Variants in UTP6 observed in about 807,000 individuals in gnomAD.
The protein encoded by UTP6 is U3 small nucleolar RNA-associated protein 6 homolog.
Under a neutral mutation model 96.5 loss-of-function variants are expected in UTP6, and 60 were observed. That is an observed-to-expected ratio of 0.62 (90% CI 0.51 to 0.77). The LOEUF (loss-of-function observed/expected upper bound fraction) is 0.77. Among genes scored for constraint, UTP6 ranks in the 30% least tolerant of loss-of-function variants. The probability of loss-of-function intolerance (pLI) is 0.00; values close to 1 mark genes in which losing one functional copy is unlikely to be tolerated. For missense variants in UTP6, 637 were observed against 706.5 expected (o/e 0.90, Z 1.12); for synonymous variants, 215 against 240.1 (o/e 0.90, Z 0.96).
At chr17:31,887,340 C>T in intron 7 of UTP6, 27 bp from the exon 8 acceptor site, 2 of 1,606,168 alleles carry the variant, frequency 1.2e-6, no homozygotes, top group Non-Finnish European at 1.7e-6. Context: ...AACTGAAAAT[C>T]TTTGGAGATG....
At position 31,873,669 on chromosome 17, in the gene UTP6, A is replaced by G. The variant is rs770360208; in HGVS notation, c.1386+4T>C. 2 of 1,613,802 alleles carry G rather than the reference A, an allele frequency of 1.2e-6. No individual in the cohort carries two copies. The highest frequency in any genetic ancestry group is 3.3e-5 in the Admixed American group (2 of 59,838). ...CCACAAGACTTGGAACACGGAGCCT[A>G]TACCTTAAAGACTGCCTCAGTGTCT... On this transcript the variant is annotated splice_donor_region_variant and intron_variant, in intron 15 of 18. Coordinates refer to ENST00000261708, the MANE Select transcript of UTP6 (RefSeq NM_018428.3).
chr17:31,899,650 A>C lies in UTP6; in HGVS notation c.173T>G (p.Val58Gly). ...TLFKEDFINYVQYEINLLELI... is the reference protein window; with the variant it reads ...TLFKEDFINYGQYEINLLELI... ...AATTATTAATTACACACTTACTTGA[A>C]CATAATTGATAAAGTCTTCCTTGAA... Residue 58 changes from valine (V) to glycine (G), a missense_variant, in exon 2 of 19, where the codon GTT becomes GGT. Physicochemically the swap from Val to Gly is moderately radical, Grantham distance 109. Transcript: ENST00000261708. 2 of 1,588,414 alleles carry C rather than the reference A, an allele frequency of 1.3e-6. No homozygotes were observed. Among genetic ancestry groups the C allele is most frequent in the Non-Finnish European group, 1.7e-6 (2 of 1,170,816 alleles).
At chr17:31,899,773 A>C in intron 1 of UTP6, 43 bp from the exon 2 acceptor site, 1 of 1,367,482 alleles carries the variant, frequency 7.3e-7, no homozygotes, top group Non-Finnish European at 1.0e-6. Flanking sequence ...AACTGCAAAA[A>C]TTAAACGTTT....
intron 10 of UTP6, among the ~76,000 whole-genome samples, chr17:31,881,412 G>A (rs531395576): frequency 3.6e-4 from 55 of 151,722 alleles, no homozygotes; most frequent in Admixed American, 2.6e-3. Context: ...AATTACAGAC[G>A]CATACCACCA....
intron 2 of UTP6, among the ~76,000 whole-genome samples, chr17:31,896,298 CA>C (rs1229399239): frequency 6.6e-6 from 1 of 151,678 alleles, no homozygotes; most frequent in Non-Finnish European, 1.5e-5. Flanking sequence ...GGCTGATCTC[CA>C]ACTCCCAACC....
chr17:31,863,692 GTTTGTT>G (rs964973270), intron 18 of UTP6, among the ~76,000 whole-genome samples, 176 bp from the exon 19 acceptor site: 1 of 151,970 alleles, frequency 6.6e-6, no homozygotes, highest in African/African-American at 2.4e-5. Context: ...GCAGGTTTTG[GTTTGTT>G]TTTGTGTGTT....
intron 2 of UTP6, among the ~76,000 whole-genome samples, chr17:31,896,308 C>T (rs1354187897): frequency 6.6e-6 from 1 of 151,882 alleles, no homozygotes; most frequent in African/African-American, 2.4e-5. Flanking sequence ...CAACTCCCAA[C>T]CTCAAGTAAT....
chr17:31,889,359 ACAAT>A lies in UTP6; in HGVS notation c.465_468del (p.Ser157GlnfsTer30). 1 of 1,613,942 alleles carries A rather than the reference ACAAT, an allele frequency of 6.2e-7. No homozygotes were observed. On this transcript the variant is annotated frameshift_variant, in exon 7 of 19. Coordinates refer to ENST00000261708, the MANE Select transcript of UTP6 (RefSeq NM_018428.3). LOFTEE classifies it high-confidence loss of function. ...AATAGTTGCCTTGCGCTTTCTGAAG[ACAAT>A]CGATCTTCCATTTCCCATTTGGCTG...
At chr17:31,890,159 C>T (rs563645962) in intron 6 of UTP6, among the ~76,000 whole-genome samples, 17 of 152,016 alleles carry the variant, frequency 1.1e-4, no homozygotes, top group Non-Finnish European at 2.4e-4. Context: ...ATCACGCCCA[C>T]CTAAATTTTG....
intron 18 of UTP6, among the ~76,000 whole-genome samples, chr17:31,864,344 G>A (rs891461564): frequency 3.3e-5 from 5 of 152,106 alleles, no homozygotes; most frequent in East Asian, 1.9e-4. Context: ...GCAAGATTGC[G>A]CCACTGCACT....
intron 6 of UTP6, among the ~76,000 whole-genome samples, chr17:31,891,982 C>G (rs1904345428): frequency 6.6e-6 from 1 of 152,276 alleles, no homozygotes; most frequent in Non-Finnish European, 1.5e-5. Context: ...AAGATCACAC[C>G]ACTGCCCTCC....
chr17:31,866,251 CACTCCAGCCTGGGCG>C (rs1909807495), intron 17 of UTP6, among the ~76,000 whole-genome samples: 1 of 143,094 alleles, frequency 7.0e-6, no homozygotes, highest in African/African-American at 2.6e-5. Flanking sequence ...CGCGCCACTA[CACTCCAGCCTGGGCG>C]ACAGAGCGAG....
At chr17:31,867,910 T>C (rs1218134074) in intron 17 of UTP6, 136 bp downstream of exon 17, 3 of 693,074 alleles carry the variant, frequency 4.3e-6, no homozygotes, top group South Asian at 3.7e-5. Flanking sequence ...TGAGCCAAGA[T>C]CACGCCACTG....
At chr17:31,875,456 C>T in intron 13 of UTP6, 43 bp from the exon 14 acceptor site, 1 of 1,594,216 alleles carries the variant, frequency 6.3e-7, no homozygotes, top group East Asian at 2.2e-5. Flanking sequence ...TTACTGAAAC[C>T]CAAACAATCT....
At chr17:31,865,910 A>C (rs1261926909) in intron 17 of UTP6, among the ~76,000 whole-genome samples, 1 of 152,208 alleles carries the variant, frequency 6.6e-6, no homozygotes, top group Non-Finnish European at 1.5e-5. Flanking sequence ...CCTCACCTAT[A>C]AAACAAGCTT....
At chr17:31,875,213 C>G in intron 14 of UTP6, 21 bp downstream of exon 14, 1 of 1,612,380 alleles carries the variant, frequency 6.2e-7, no homozygotes, top group East Asian at 2.2e-5. Flanking sequence ...ATAATGAATA[C>G]AAAAGATCCA....
At chr17:31,865,740 G>A (rs548829990) in intron 17 of UTP6, among the ~76,000 whole-genome samples, 1 of 152,298 alleles carries the variant, frequency 6.6e-6, no homozygotes, top group Non-Finnish European at 1.5e-5. Flanking sequence ...GAATGAGTGG[G>A]AATTAAATAA....
At chr17:31,897,283 A>G (rs910658441) in intron 2 of UTP6, among the ~76,000 whole-genome samples, 12 of 142,714 alleles carry the variant, frequency 8.4e-5, no homozygotes, top group African/African-American at 1.2e-4. Context: ...TATTATTTGG[A>G]AAAAAAAAAA....
At chr17:31,879,620 T>C (rs990417967) in intron 11 of UTP6, among the ~76,000 whole-genome samples, 1 of 150,364 alleles carries the variant, frequency 6.7e-6, no homozygotes, top group African/African-American at 2.5e-5. Context: ...TGGAGTGAGC[T>C]GAAATTGCGC....
Sources: allele counts gnomAD v4.1 joint callset (sites outside exome capture counted in the v4.1 genomes callset), GRCh38; gene constraint gnomAD v4.1.1; transcripts MANE v1.5; gene names NCBI Gene and HGNC (gene_info 2026-07-23, HGNC 2026-07-21).